The following TSHZ2 variants were observed in gnomAD, a reference collection of about 807,000 sequenced individuals.
TSHZ2 encodes teashirt zinc finger homeobox 2.
TSHZ2 carries 21 observed loss-of-function variants against 74.4 expected under a neutral mutation model. That is an observed-to-expected ratio of 0.28 (90% CI 0.20 to 0.41). The LOEUF is 0.41. Ranked by LOEUF, TSHZ2 falls within the 10% of genes least tolerant of loss-of-function variation. TSHZ2 has a pLI of 1.00. For missense variants in TSHZ2, 1,244 were observed against 1,293.5 expected, an observed-to-expected ratio of 0.96 and a Z score of 0.59; for synonymous variants, 540 against 515.3, an observed-to-expected ratio of 1.05 and a Z score of -0.65.
chr20:53,397,333 C>A (rs1256860993), intron 2 of TSHZ2, among the ~76,000 whole-genome samples: 1 of 152,146 alleles, frequency 6.6e-6, no homozygotes, highest in Non-Finnish European at 1.5e-5. Context: ...ACAGACACTT[C>A]TCAAAAGAAG....
chr20:53,014,928 A>G (rs928766105), intron 1 of TSHZ2, among the ~76,000 whole-genome samples: 1 of 152,110 alleles, frequency 6.6e-6, no homozygotes, highest in Admixed American at 6.6e-5. Flanking sequence ...AAAACTCCCA[A>G]TAACTTCCCA....
In TSHZ2 at chr20:53,341,906, T is replaced by C. The variant is rs1168453515; in HGVS notation, c.*8+85335T>C. On this transcript the variant is annotated intron_variant, in intron 2 of 2. Transcript: ENST00000371497. ...TTGTATTTTTAGTAGAGAAGGGGCT[T>C]CACCACGTTGACCAGACTGGTCTCG... Among the ~76,000 whole-genome samples, 3 of 152,258 alleles carry C rather than the reference T, an allele frequency of 2.0e-5. No homozygotes were observed. In the South Asian group the frequency reaches 6.2e-4, roughly 32 times the overall value.
chr20:53,221,236 A>G (rs540218969), intron 1 of TSHZ2, among the ~76,000 whole-genome samples: 1 of 152,100 alleles, frequency 6.6e-6, no homozygotes. Flanking sequence ...CCCGCCATGT[A>G]GAACTGTGAG....
intron 1 of TSHZ2, among the ~76,000 whole-genome samples, chr20:53,021,900 A>G (rs1389984442): frequency 1.3e-5 from 2 of 152,204 alleles, no homozygotes. Context: ...CACTGAGGCT[A>G]CTTGAAGGAA....
intron 2 of TSHZ2, among the ~76,000 whole-genome samples, chr20:53,480,313 C>T (rs925326940): frequency 6.6e-6 from 1 of 151,926 alleles, no homozygotes; most frequent in Non-Finnish European, 1.5e-5. Flanking sequence ...AGGTGATCCA[C>T]CTGCCTCAGC....
chr20:53,171,994 A>C (rs1282147463), intron 1 of TSHZ2, among the ~76,000 whole-genome samples: 1 of 152,228 alleles, frequency 6.6e-6, no homozygotes. Flanking sequence ...CCACAAGGAC[A>C]TGAAGCTTTA....
intron 1 of TSHZ2, among the ~76,000 whole-genome samples, chr20:53,181,347 G>A (rs2123510656): frequency 6.6e-6 from 1 of 152,284 alleles, no homozygotes; most frequent in East Asian, 1.9e-4. Context: ...AAGAGTGTCT[G>A]GGGTGTAATT....
intron 2 of TSHZ2, among the ~76,000 whole-genome samples, chr20:53,309,459 G>C (rs1978688414): frequency 6.6e-6 from 1 of 152,168 alleles, no homozygotes; most frequent in Non-Finnish European, 1.5e-5. Context: ...AAGAGGAAAA[G>C]AAAGGAAGGA....
chr20:53,440,525 A>C (rs1984270909), intron 2 of TSHZ2, among the ~76,000 whole-genome samples: 1 of 151,890 alleles, frequency 6.6e-6, no homozygotes, highest in South Asian at 2.1e-4. Flanking sequence ...TTGACAGAGC[A>C]CCTCCTCAGG....
At chr20:53,461,436 G>C (rs1443123036) in intron 2 of TSHZ2, 1 of 153,808 alleles carries the variant, frequency 6.5e-6, no homozygotes, top group Non-Finnish European at 1.4e-5. Context: ...TGCGCCCACT[G>C]TCTGGCACTC....
At chr20:53,410,578 T>C (rs924328651) in intron 2 of TSHZ2, among the ~76,000 whole-genome samples, 2 of 139,410 alleles carry the variant, frequency 1.4e-5, no homozygotes, top group African/African-American at 5.4e-5. Context: ...AATTCTGTTA[T>C]TATCGTCACA....
chr20:53,278,851 G>A (rs975367257), intron 2 of TSHZ2, among the ~76,000 whole-genome samples: 1 of 152,130 alleles, frequency 6.6e-6, no homozygotes, highest in African/African-American at 2.4e-5. Flanking sequence ...TGAACAATGA[G>A]GGAGTTAGCA....
chr20:53,061,959 C>G (rs775133975), intron 1 of TSHZ2, among the ~76,000 whole-genome samples: 11 of 152,018 alleles, frequency 7.2e-5, no homozygotes, highest in Non-Finnish European at 1.3e-4. Context: ...TTTTTCTTCC[C>G]TATGTAAATA....
chr20:53,436,775 T>C (rs1294290180), intron 2 of TSHZ2, among the ~76,000 whole-genome samples: 3 of 151,740 alleles, frequency 2.0e-5, no homozygotes, highest in Non-Finnish European at 4.4e-5. Context: ...GGCCTAAAAC[T>C]CCTGACCTCA....
At chr20:53,149,934 G>A (rs1380442282) in intron 1 of TSHZ2, among the ~76,000 whole-genome samples, 1 of 152,184 alleles carries the variant, frequency 6.6e-6, no homozygotes, top group African/African-American at 2.4e-5. Flanking sequence ...CCAGGGATCA[G>A]GGAATAGAGT....
chr20:53,050,092 T>G (rs750121179), intron 1 of TSHZ2, among the ~76,000 whole-genome samples: 8 of 85,622 alleles, frequency 9.3e-5, no homozygotes, highest in Non-Finnish European at 1.4e-4. Flanking sequence ...AAAAAAAAAA[T>G]GTATATGTGT....
chr20:53,420,498 G>A (rs376890383), intron 2 of TSHZ2, among the ~76,000 whole-genome samples: 1 of 152,180 alleles, frequency 6.6e-6, no homozygotes, highest in African/African-American at 2.4e-5. Flanking sequence ...AGGCCAAAGC[G>A]GGCAGATCAC....
intron 2 of TSHZ2, among the ~76,000 whole-genome samples, chr20:53,417,938 C>T (rs201386307): frequency 6.6e-6 from 1 of 152,124 alleles, no homozygotes; most frequent in Non-Finnish European, 1.5e-5. Context: ...CAGCAAGGAA[C>T]AAGAGTGAGC....
chr20:53,037,085 T>A (rs1409972106), intron 1 of TSHZ2, among the ~76,000 whole-genome samples: 2 of 152,144 alleles, frequency 1.3e-5, no homozygotes, highest in African/African-American at 4.8e-5. Context: ...CCCTGATCAT[T>A]TCTGTTATGA....
Sources: allele counts gnomAD v4.1 joint callset (sites outside exome capture counted in the v4.1 genomes callset), GRCh38; gene constraint gnomAD v4.1.1; transcripts MANE v1.5; gene names NCBI Gene and HGNC (gene_info 2026-07-23, HGNC 2026-07-21).